FLI1: variants seen among roughly 807,000 people sequenced by gnomAD.
The protein encoded by FLI1 is Fli-1 proto-oncogene, ETS transcription factor.
Under a neutral mutation model 53.1 loss-of-function variants are expected in FLI1, and 13 were observed. The ratio of observed to expected loss-of-function variants is 0.24; its 90% confidence interval spans 0.16 to 0.39. The LOEUF (loss-of-function observed/expected upper bound fraction) is 0.39, where lower values mean the gene tolerates loss of function less well. FLI1 is among the 10% of genes least tolerant of loss of function. The probability of loss-of-function intolerance (pLI) is 1.00; values close to 1 mark genes in which losing one functional copy is unlikely to be tolerated. For synonymous variants in FLI1, 244 were observed against 236.7 expected (o/e 1.03, Z -0.28); for missense variants, 424 against 600.5 (o/e 0.71, Z 3.07).
In FLI1 at chr11:128,741,732, CG is replaced by C. The variant is rs1040559599; in HGVS notation, c.19-16382del. 3.7e-3 allele frequency among the ~76,000 whole-genome samples: 563 copies of C among 152,318 alleles called. 3 individuals are homozygous for C. The highest frequency in any genetic ancestry group is 0.012 in the African/African-American group (515 of 41,584). ...GTGTTAATGCCTTTGCCCCTCCCCC[CG>C]ATTCCTGCTCAGTTCACGGCTTTCC... On this transcript the variant is annotated intron_variant, in intron 1 of 8. Coordinates refer to ENST00000527786, the MANE Select transcript of FLI1 (RefSeq NM_002017.5).
intron 1 of FLI1, among the ~76,000 whole-genome samples, chr11:128,719,647 G>A (rs564489505): frequency 5.9e-5 from 9 of 152,240 alleles, no homozygotes; most frequent in South Asian, 4.1e-4. Flanking sequence ...CATTCATCCC[G>A]TCTACTCATG....
intron 5 of FLI1, among the ~76,000 whole-genome samples, chr11:128,782,254 A>G (rs1941938411): frequency 6.6e-6 from 1 of 152,218 alleles, no homozygotes; most frequent in Admixed American, 6.5e-5. Context: ...TGAAGTTGTC[A>G]CTCCATGCAG....
intron 1 of FLI1, among the ~76,000 whole-genome samples, chr11:128,750,307 A>G (rs1940588693): frequency 6.6e-6 from 1 of 152,212 alleles, no homozygotes; most frequent in Non-Finnish European, 1.5e-5. Flanking sequence ...GATTCAGGGC[A>G]GAACAGAGGG....
At chr11:128,763,759 A>G (rs3889058) in intron 2 of FLI1, among the ~76,000 whole-genome samples, 31,774 of 152,000 alleles carry the variant, frequency 0.21, 4,102 homozygotes, top group African/African-American at 0.33. Flanking sequence ...GGTGGGGAGG[A>G]TACACAGGAT....
chr11:128,793,337 G>T (rs1435898178), intron 5 of FLI1, among the ~76,000 whole-genome samples: 1 of 152,028 alleles, frequency 6.6e-6, no homozygotes. Context: ...CGTCCAGGAT[G>T]CTCCAGCTGC....
chr11:128,795,456 T>C (rs962902558), intron 5 of FLI1, among the ~76,000 whole-genome samples: 7 of 152,362 alleles, frequency 4.6e-5, no homozygotes, highest in African/African-American at 1.4e-4. Context: ...AGAAATTAGC[T>C]TTGGTTGACA....
At chr11:128,768,417 C>T (rs548310087) in intron 3 of FLI1, 145 bp downstream of exon 3, 11 of 957,390 alleles carry the variant, frequency 1.1e-5, no homozygotes, top group Middle Eastern at 2.2e-4. Flanking sequence ...AGTGGTGGCT[C>T]GCGCCTGTAA....
intron 6 of FLI1, 181 bp downstream of exon 6, chr11:128,805,612 G>T (rs2135915693): frequency 1.9e-6 from 1 of 540,278 alleles, no homozygotes; most frequent in South Asian, 2.7e-5. Context: ...GATGATATGG[G>T]ATTTTCGTTT....
At chr11:128,757,919 C>T (rs1189401006) in intron 1 of FLI1, among the ~76,000 whole-genome samples, 196 bp from the exon 2 acceptor site, 1 of 152,220 alleles carries the variant, frequency 6.6e-6, no homozygotes, top group Non-Finnish European at 1.5e-5. Context: ...AAAGTCCCTC[C>T]TCACCCAGGT....
intron 1 of FLI1, among the ~76,000 whole-genome samples, 181 bp from the exon 2 acceptor site, chr11:128,757,934 T>G (rs560912742): frequency 6.6e-6 from 1 of 152,296 alleles, no homozygotes; most frequent in Admixed American, 6.5e-5. Flanking sequence ...CCAGGTAACC[T>G]GCAAACACCC....
chr11:128,706,727 C>T lies in FLI1; in HGVS notation c.18+12451C>T, dbSNP rs145681116. On this transcript the variant is annotated intron_variant, in intron 1 of 8. Coordinates refer to ENST00000527786, the MANE Select transcript of FLI1 (RefSeq NM_002017.5). ...TTTGTTCATTGGTCCTATTTTCTGA[C>T]CATTGTCATAATATTTCTGGGTGAT... Among the ~76,000 whole-genome samples the T allele has an allele frequency of 1.7e-3, 265 of 152,286 alleles. 2 individuals are homozygous for T. Among genetic ancestry groups the T allele is most frequent in the African/African-American group, 5.9e-3 (246 of 41,546 alleles).
chr11:128,758,454 C>T (rs574563701), intron 2 of FLI1, 128 bp downstream of exon 2: 1 of 746,822 alleles, frequency 1.3e-6, no homozygotes, highest in Admixed American at 2.2e-5. Flanking sequence ...AAGCCTGTGT[C>T]AGTCCCTAGA....
chr11:128,749,886 G>C (rs1940566544), intron 1 of FLI1, among the ~76,000 whole-genome samples: 1 of 152,182 alleles, frequency 6.6e-6, no homozygotes, highest in African/African-American at 2.4e-5. Flanking sequence ...GCTTGGCCTT[G>C]CTAACAGCGG....
intron 3 of FLI1, among the ~76,000 whole-genome samples, chr11:128,770,192 G>A (rs74486336): frequency 0.017 from 2,572 of 152,342 alleles, 29 homozygotes; most frequent in Middle Eastern, 0.027. Flanking sequence ...AAAAGGAATA[G>A]CAAAACATCA....
intron 5 of FLI1, among the ~76,000 whole-genome samples, chr11:128,784,259 C>G (rs1418742618): frequency 4.6e-5 from 5 of 109,312 alleles, no homozygotes; most frequent in South Asian, 2.8e-4. Flanking sequence ...TCCTCCTCCT[C>G]CTCCTCCTCC....
At chr11:128,769,224 C>T (rs1941466306) in intron 3 of FLI1, among the ~76,000 whole-genome samples, 1 of 152,138 alleles carries the variant, frequency 6.6e-6, no homozygotes, top group Non-Finnish European at 1.5e-5. Context: ...AGCTCAGCTG[C>T]CTGCACAAGA....
At chr11:128,738,365 C>A (rs1241830357) in intron 1 of FLI1, among the ~76,000 whole-genome samples, 1 of 152,164 alleles carries the variant, frequency 6.6e-6, no homozygotes, top group Non-Finnish European at 1.5e-5. Flanking sequence ...ACAAGACAAC[C>A]AAGGCCTCAC....
At chr11:128,739,058 G>A (rs764456778) in intron 1 of FLI1, among the ~76,000 whole-genome samples, 9 of 152,232 alleles carry the variant, frequency 5.9e-5, no homozygotes, top group East Asian at 3.9e-4. Context: ...TGTTTGCTGC[G>A]GATAAGCACC....
chr11:128,689,876 G>T (rs1173238612), upstream of FLI1, among the ~76,000 whole-genome samples: 1 of 135,456 alleles, frequency 7.4e-6, no homozygotes, highest in African/African-American at 2.7e-5. Context: ...CCCTCCCGCC[G>T]CCGCGGCCTC....
Sources: allele counts gnomAD v4.1 joint callset (sites outside exome capture counted in the v4.1 genomes callset), GRCh38; gene constraint gnomAD v4.1.1; transcripts MANE v1.5; gene names NCBI Gene and HGNC (gene_info 2026-07-23, HGNC 2026-07-21).